The following ATRNL1 variants were observed in gnomAD, a reference collection of about 807,000 sequenced individuals.
ATRNL1 encodes attractin-like protein 1.
Under a neutral mutation model 182.7 loss-of-function variants are expected in ATRNL1, and 95 were observed. The ratio of observed to expected loss-of-function variants is 0.52; its 90% CI spans 0.44 to 0.62. The LOEUF is 0.62. Ranked by LOEUF, ATRNL1 falls within the 20% of genes least tolerant of loss-of-function variation. The probability of loss-of-function intolerance (pLI) is 0.00; values close to 1 mark genes in which losing one functional copy is unlikely to be tolerated. For missense variants in ATRNL1, 1,471 were observed against 1,679.5 expected (o/e 0.88, Z 2.17); for synonymous variants, 576 against 568.3 (o/e 1.01, Z -0.19).
intron 26 of ATRNL1, among the ~76,000 whole-genome samples, chr10:115,713,797 A>C (rs540878668): frequency 6.6e-6 from 1 of 152,052 alleles, no homozygotes; most frequent in East Asian, 1.9e-4. Context: ...CTGTCTAGTC[A>C]TCAGTTGCTG....
chr10:115,360,248 G>T (rs1395405258), intron 19 of ATRNL1, among the ~76,000 whole-genome samples: 2 of 151,740 alleles, frequency 1.3e-5, no homozygotes, highest in Admixed American at 1.3e-4. Context: ...CAAGTCAAAA[G>T]AATAAAAATG....
rs182628597 is a variant in ATRNL1 at position 115,600,069 on chromosome 10, T to C, written c.3795+50533T>C. 2.0e-5 allele frequency among the ~76,000 whole-genome samples: 3 copies of C among 152,268 alleles called. No homozygotes were observed. In the East Asian group the frequency reaches 5.8e-4, roughly 29 times the overall value. ...TGTCTTTCCCAGAGTTTCATTTAAA[T>C]AGAATTATGCAGCATGTGTGTGTGT... is the stretch of plus-strand genomic sequence containing the variant. On this transcript the variant is annotated intron_variant, in intron 26 of 28. Transcript: ENST00000355044.
At chr10:115,214,067 C>CACACACACACACACAT (rs1297035795) in intron 8 of ATRNL1, among the ~76,000 whole-genome samples, 4 of 150,014 alleles carry the variant, frequency 2.7e-5, no homozygotes, top group South Asian at 2.1e-4. Flanking sequence ...CACACACACA[C>CACACACACACACACAT]ATATATATAA....
intron 13 of ATRNL1, among the ~76,000 whole-genome samples, chr10:115,278,231 TTTAAAA>T (rs1262627596): frequency 6.6e-6 from 1 of 152,234 alleles, no homozygotes. Flanking sequence ...ATGGTGCCTG[TTTAAAA>T]TTATGTAATT....
At position 115,593,942 on chromosome 10, in the gene ATRNL1, T is replaced by C. The variant is rs1303790737; in HGVS notation, c.3795+44406T>C. On this transcript the variant is annotated intron_variant, in intron 26 of 28. Coordinates refer to ENST00000355044, the MANE Select transcript of ATRNL1 (RefSeq NM_207303.4). ...AAATATATATACTTTATTTAATCTA[T>C]TTAAATGACCCAAGAGAGATGGGTT... Among the ~76,000 whole-genome samples, 3 of 152,072 alleles carry C rather than the reference T, an allele frequency of 2.0e-5. No individual in the cohort carries two copies. In the East Asian group the frequency reaches 5.8e-4, roughly 29 times the overall value.
intron 10 of ATRNL1, among the ~76,000 whole-genome samples, chr10:115,260,015 G>A (rs1851329210): frequency 6.7e-6 from 1 of 149,844 alleles, no homozygotes; most frequent in African/African-American, 2.5e-5. Flanking sequence ...AATTGAAGAT[G>A]ATGTCTTGGA....
intron 8 of ATRNL1, among the ~76,000 whole-genome samples, chr10:115,207,465 C>G (rs1554894039): frequency 6.6e-6 from 1 of 151,852 alleles, no homozygotes; most frequent in Non-Finnish European, 1.5e-5. Flanking sequence ...TTTCATATGT[C>G]TGTTGGCAAT....
At chr10:115,738,132 T>TTTTGTTTTTTTTTTTG (rs1565335043) in intron 27 of ATRNL1, among the ~76,000 whole-genome samples, 12 of 49,852 alleles carry the variant, frequency 2.4e-4, no homozygotes, top group African/African-American at 7.7e-4. Context: ...AATGATTTTT[T>TTTTGTTTTTTTTTTTG]TTTTTTTTTT....
At chr10:115,628,055 G>A (rs1382748101) in intron 26 of ATRNL1, among the ~76,000 whole-genome samples, 1 of 150,974 alleles carries the variant, frequency 6.6e-6, no homozygotes, top group South Asian at 2.1e-4. Context: ...GCGGAGGCAG[G>A]AGAATTGCTT....
intron 21 of ATRNL1, among the ~76,000 whole-genome samples, chr10:115,451,072 G>A (rs1847256968): frequency 6.6e-6 from 1 of 152,130 alleles, no homozygotes; most frequent in Non-Finnish European, 1.5e-5. Flanking sequence ...TCCATATGCA[G>A]AAGATTGAAG....
intron 26 of ATRNL1, among the ~76,000 whole-genome samples, chr10:115,642,009 T>C (rs1411629685): frequency 2.0e-5 from 3 of 152,112 alleles, no homozygotes; most frequent in African/African-American, 7.2e-5. Context: ...GCTGGCACTA[T>C]TATAAAATAA....
At chr10:115,759,246 T>C (rs1443275719) in intron 27 of ATRNL1, among the ~76,000 whole-genome samples, 1 of 152,212 alleles carries the variant, frequency 6.6e-6, no homozygotes, top group Non-Finnish European at 1.5e-5. Flanking sequence ...AAATCAGGGT[T>C]TCTCAACTAG....
At chr10:115,595,507 T>A (rs2769397) in intron 26 of ATRNL1, among the ~76,000 whole-genome samples, 11 of 151,968 alleles carry the variant, frequency 7.2e-5, no homozygotes, top group Admixed American at 5.9e-4. Flanking sequence ...TATGTTAAAT[T>A]TATTAAGGCA....
At chr10:115,618,882 T>C (rs1857574117) in intron 26 of ATRNL1, among the ~76,000 whole-genome samples, 2 of 152,212 alleles carry the variant, frequency 1.3e-5, no homozygotes, top group Non-Finnish European at 2.9e-5. Context: ...CAATGTTTCT[T>C]TGCTCTTTAG....
At chr10:115,815,714 G>A (rs139797345) in intron 27 of ATRNL1, among the ~76,000 whole-genome samples, 443 of 152,048 alleles carry the variant, frequency 2.9e-3, no homozygotes, top group African/African-American at 9.6e-3. Context: ...ATATGTATCC[G>A]TGAATAGAAA....
intron 9 of ATRNL1, among the ~76,000 whole-genome samples, chr10:115,219,581 G>A (rs1554896952): frequency 3.9e-5 from 6 of 152,150 alleles, no homozygotes. Flanking sequence ...GAATACTTCT[G>A]CAGCTGTTGT....
At chr10:115,610,818 A>G (rs1857116598) in intron 26 of ATRNL1, among the ~76,000 whole-genome samples, 1 of 152,182 alleles carries the variant, frequency 6.6e-6, no homozygotes, top group African/African-American at 2.4e-5. Context: ...ATTCTGTTTT[A>G]TTGAAGTTCA....
chr10:115,259,694 G>T (rs1242861075), intron 10 of ATRNL1, among the ~76,000 whole-genome samples: 3 of 152,188 alleles, frequency 2.0e-5, no homozygotes, highest in African/African-American at 7.2e-5. Flanking sequence ...CCCATCCTCT[G>T]CGTCGATCAC....
intron 28 of ATRNL1, among the ~76,000 whole-genome samples, chr10:115,922,109 G>T (rs1391476915): frequency 6.6e-6 from 1 of 152,126 alleles, no homozygotes; most frequent in Non-Finnish European, 1.5e-5. Context: ...TCTGAACCCT[G>T]CCCCCACGTT....
Sources: allele counts gnomAD v4.1 joint callset (sites outside exome capture counted in the v4.1 genomes callset), GRCh38; gene constraint gnomAD v4.1.1; transcripts MANE v1.5; gene names NCBI Gene and HGNC (gene_info 2026-07-23, HGNC 2026-07-21).